CELA2A: variants seen among roughly 807,000 people sequenced by gnomAD.
The protein encoded by CELA2A is chymotrypsin-like elastase family member 2A.
A neutral mutation model predicts 35.3 loss-of-function variants in CELA2A; 31 were observed. The ratio of observed to expected loss-of-function variants is 0.88; its 90% confidence interval spans 0.66 to 1.19. The LOEUF (loss-of-function observed/expected upper bound fraction) is 1.19, where lower values mean the gene tolerates loss of function less well. Among genes scored for constraint, CELA2A ranks in the 50% most tolerant of loss-of-function variants. The pLI, the probability that CELA2A is intolerant of heterozygous loss-of-function variation, is 0.00. For synonymous variants in CELA2A, 150 were observed against 149.8 expected (o/e 1.00, Z -0.01); for missense variants, 330 against 352.9 (o/e 0.94, Z 0.52).
intron 7 of CELA2A, among the ~76,000 whole-genome samples, chr1:15,469,334 G>T (rs929272107): frequency 2.0e-5 from 3 of 152,206 alleles, no homozygotes; most frequent in Non-Finnish European, 4.4e-5. Context: ...ACTTGAACTA[G>T]ACCAGGACTC....
Position 15,461,687 on chromosome 1 carries a change from T to C in CELA2A, c.227+29T>C, listed in dbSNP as rs1212621230. On this transcript the variant is annotated intron_variant, in intron 3 of 7. Transcript: ENST00000359621. ...ACTGCCTTTCCCTGGGCGCTTGGCC[T>C]GCTCACCAGCTGGTGCTCATTTCTG... 3 of 1,613,610 alleles carry C rather than the reference T, an allele frequency of 1.9e-6. No individual in the cohort carries two copies. In the African/African-American group the frequency reaches 4.0e-5, roughly 22 times the overall value.
intron 5 of CELA2A, among the ~76,000 whole-genome samples, chr1:15,464,139 T>C (rs1259887254): frequency 6.6e-6 from 1 of 152,096 alleles, no homozygotes; most frequent in African/African-American, 2.4e-5. Flanking sequence ...CAGAATGGGG[T>C]AGGTGCTGTG....
rs141757010 is a variant in CELA2A, at chr1:15,458,179, C to T, written c.129+1005C>T. Among the ~76,000 whole-genome samples the T allele has an allele frequency of 2.0e-3, 305 of 152,144 alleles. 6 individuals carry two copies. The highest frequency in any genetic ancestry group is 0.016 in the East Asian group (84 of 5,188). ...TTTTTGAGTTCTTAACTGTCTTTTT[C>T]ATATAAGCCATGCCCCATATCTTAT... is the stretch of plus-strand genomic sequence containing the variant. On this transcript the variant is annotated intron_variant, in intron 2 of 7. Transcript: ENST00000359621.
In CELA2A at chr1:15,471,953, T is replaced by C. The variant is rs1310229652; in HGVS notation, c.793-37T>C. The C allele has an allele frequency of 4.3e-6, 7 of 1,613,878 alleles. No individual in the cohort carries two copies. In the South Asian group the frequency reaches 7.7e-5, roughly 18 times the overall value. ...GAAACTGCCATGCACAGCTCTGCGG[T>C]TAGGTGAACCTGACGATTATCTTGT... is the stretch of plus-strand genomic sequence containing the variant. On this transcript the variant is annotated intron_variant, in intron 7 of 7. Coordinates refer to ENST00000359621, the MANE Select transcript of CELA2A (RefSeq NM_033440.3).
intron 7 of CELA2A, among the ~76,000 whole-genome samples, chr1:15,468,871 A>G (rs1708555751): frequency 6.6e-6 from 1 of 152,112 alleles, no homozygotes; most frequent in Non-Finnish European, 1.5e-5. Context: ...GAAAGCAGCC[A>G]GAACAGGAAA....
intron 7 of CELA2A, among the ~76,000 whole-genome samples, chr1:15,470,272 C>A (rs536815665): frequency 1.3e-3 from 202 of 152,170 alleles, no homozygotes; most frequent in Non-Finnish European, 1.8e-3. Context: ...ACCACTAGAG[C>A]CCTGGGGGTG....
At chr1:15,468,350 GT>G (rs1708549791) in intron 7 of CELA2A, among the ~76,000 whole-genome samples, 1 of 152,078 alleles carries the variant, frequency 6.6e-6, no homozygotes, top group African/African-American at 2.4e-5. Flanking sequence ...GGGACTTCCT[GT>G]TTTACACTGG....
chr1:15,470,539 T>C (rs1187983940), intron 7 of CELA2A, among the ~76,000 whole-genome samples: 1 of 152,060 alleles, frequency 6.6e-6, no homozygotes, highest in Non-Finnish European at 1.5e-5. Flanking sequence ...AAGTCCCCCC[T>C]CATTTTACAT....
intron 3 of CELA2A, chr1:15,462,253 C>T (rs1370094117): frequency 1.1e-5 from 5 of 466,376 alleles, no homozygotes; most frequent in Non-Finnish European, 2.2e-5. Context: ...CTTCTCCCAT[C>T]CGATTTATAA....
intron 2 of CELA2A, among the ~76,000 whole-genome samples, chr1:15,457,967 T>A (rs1164647274): frequency 6.6e-6 from 1 of 152,222 alleles, no homozygotes; most frequent in African/African-American, 2.4e-5. Context: ...AGGTGTAAAT[T>A]ACTCAGACGT....
chr1:15,463,625 C>T (rs1279430675), intron 5 of CELA2A, 103 bp downstream of exon 5: 2 of 1,570,016 alleles, frequency 1.3e-6, no homozygotes, highest in Admixed American at 3.5e-5. Flanking sequence ...GGGTGTGTGG[C>T]TGCCTTGGAG....
Position 15,467,473 on chromosome 1 carries a change from T to A in CELA2A, c.727T>A (p.Cys243Ser), listed in dbSNP as rs1708535266. 1 of 1,614,150 alleles carries A rather than the reference T, an allele frequency of 6.2e-7. No individual in the cohort carries two copies. The highest frequency in any genetic ancestry group is 8.5e-7 in the Non-Finnish European group (1 of 1,180,034). ...GIVSFGSRLGCNYYHKPSVFT... is the reference protein window; with the variant it reads ...GIVSFGSRLGSNYYHKPSVFT... Reference sequence around the variant, plus strand: ...CGTCAGCTTCGGGTCTCGCCTCGGCTGCAACTACTACCACAAGCCCTCCGT... The same window carrying A: ...CGTCAGCTTCGGGTCTCGCCTCGGCAGCAACTACTACCACAAGCCCTCCGT... Residue 243 changes from cysteine to serine, a missense_variant, in exon 7 of 8, where the codon TGC becomes AGC. By Grantham distance (112) the Cys-to-Ser change is moderately radical (BLOSUM62 -1). Coordinates refer to ENST00000359621, the MANE Select transcript of CELA2A (RefSeq NM_033440.3).
In CELA2A at chr1:15,461,869, G is replaced by A. The variant is rs1430362393; in HGVS notation, c.227+211G>A. 8.4e-6 allele frequency: 6 copies of A among 713,304 alleles called. No homozygotes were observed. In the African/African-American group the frequency reaches 8.7e-5, roughly 10 times the overall value. The allele number at this position is 713,304 out of a possible 1,614,324, so 44.2% of individuals were successfully genotyped here. The stretch of plus-strand genomic sequence containing the variant: ...TGGATGGAGTGTCTGTGCCAGGCAG[G>A]CACTGAGGGAGGATGAAGAGGAGGG... On this transcript the variant is annotated intron_variant, in intron 3 of 7. Transcript: ENST00000359621.
chr1:15,459,833 C>G (rs1228204943), intron 2 of CELA2A, among the ~76,000 whole-genome samples: 1 of 151,780 alleles, frequency 6.6e-6, no homozygotes, highest in Non-Finnish European at 1.5e-5. Context: ...AACTCAGCAA[C>G]CAGCCAGGAA....
chr1:15,467,299 G>A, intron 6 of CELA2A, 87 bp from the exon 7 acceptor site: 1 of 1,404,372 alleles, frequency 7.1e-7, no homozygotes, highest in Middle Eastern at 1.8e-4. Flanking sequence ...ACCTGCAGCA[G>A]AACAATAGAA....
chr1:15,465,912 G>A (rs1708509902), intron 5 of CELA2A, 87 bp from the exon 6 acceptor site: 8 of 1,492,880 alleles, frequency 5.4e-6, no homozygotes, highest in South Asian at 1.2e-5. Context: ...TGGAAGACAG[G>A]AACAGGGGAA....
chr1:15,463,587 T>G, intron 5 of CELA2A, 65 bp downstream of exon 5: 1 of 1,607,310 alleles, frequency 6.2e-7, no homozygotes, highest in Non-Finnish European at 8.5e-7. Context: ...CACCCCTGTC[T>G]GGCCGGGGCC....
intron 4 of CELA2A, 85 bp from the exon 5 acceptor site, chr1:15,463,299 AAG>A: frequency 6.3e-7 from 1 of 1,591,480 alleles, no homozygotes; most frequent in Non-Finnish European, 8.6e-7. Context: ...GGGTACAGGG[AAG>A]ATGACAAGGT....
intron 2 of CELA2A, among the ~76,000 whole-genome samples, chr1:15,459,636 A>G (rs769064985): frequency 1.3e-5 from 2 of 152,202 alleles, no homozygotes; most frequent in Non-Finnish European, 2.9e-5. Flanking sequence ...GCCTACAAAA[A>G]TACTTCCTCA....
Sources: gnomAD v4.1 joint callset for allele counts (sites outside exome capture counted in the v4.1 genomes callset) on GRCh38, gnomAD v4.1.1 for gene constraint, MANE v1.5 for transcripts, NCBI Gene and HGNC (gene_info 2026-07-23, HGNC 2026-07-21) for gene names.